NCKAP5: variants seen among roughly 807,000 people sequenced by gnomAD.
The protein encoded by NCKAP5 is NCK associated protein 5, also known as nck-associated protein 5.
Under a neutral mutation model 167.0 loss-of-function variants are expected in NCKAP5, and 92 were observed. That is an observed-to-expected ratio of 0.55 (90% CI 0.47 to 0.66). The LOEUF is 0.66. Ranked by LOEUF, NCKAP5 falls within the 30% of genes least tolerant of loss-of-function variation. The probability of loss-of-function intolerance (pLI) is 0.00; values close to 1 mark genes in which losing one functional copy is unlikely to be tolerated. For missense variants in NCKAP5, 2,378 were observed against 2,315.0 expected (o/e 1.03, Z -0.56); for synonymous variants, 891 against 877.4 (o/e 1.02, Z -0.27).
intron 6 of NCKAP5, among the ~76,000 whole-genome samples, chr2:133,000,459 T>C (rs1451170933): frequency 6.6e-6 from 1 of 152,174 alleles, no homozygotes; most frequent in Non-Finnish European, 1.5e-5. Flanking sequence ...ACCAGCATAC[T>C]TCCCATATTG....
intron 4 of NCKAP5, among the ~76,000 whole-genome samples, chr2:133,226,262 A>T (rs2086885999): frequency 6.6e-6 from 1 of 152,124 alleles, no homozygotes; most frequent in South Asian, 2.1e-4. Flanking sequence ...TTTTTAGGCT[A>T]AATTGGAAAT....
At chr2:132,699,550 A>C (rs575610492) in intron 19 of NCKAP5, among the ~76,000 whole-genome samples, 1 of 151,544 alleles carries the variant, frequency 6.6e-6, no homozygotes, top group South Asian at 2.1e-4. Flanking sequence ...TCATTGTTCA[A>C]TTCCCACCTA....
chr2:133,115,483 T>A (rs958115189), intron 6 of NCKAP5, among the ~76,000 whole-genome samples: 1 of 152,222 alleles, frequency 6.6e-6, no homozygotes, highest in Admixed American at 6.5e-5. Context: ...ATTTACTGGT[T>A]TTGCTTTCAA....
chr2:133,382,493 G>A (rs1034215940), intron 3 of NCKAP5, among the ~76,000 whole-genome samples: 3 of 152,058 alleles, frequency 2.0e-5, no homozygotes, highest in Non-Finnish European at 1.5e-5. Context: ...TACGTCTCCT[G>A]CCTCACCCCT....
chr2:133,659,379 T>C, the NCKAP5 span, among the ~76,000 whole-genome samples: 1 of 152,098 alleles, frequency 6.6e-6, no homozygotes, highest in Non-Finnish European at 1.5e-5. Flanking sequence ...AAGCTAAAAG[T>C]ATAAAACTTC....
intron 16 of NCKAP5, among the ~76,000 whole-genome samples, chr2:132,761,060 T>C (rs916032025): frequency 6.6e-6 from 1 of 152,082 alleles, no homozygotes; most frequent in East Asian, 1.9e-4. Context: ...CCCTCTTTTT[T>C]CCCCAGCTAT....
intron 3 of NCKAP5, among the ~76,000 whole-genome samples, chr2:133,358,916 A>C (rs1474100497): frequency 6.6e-6 from 1 of 152,192 alleles, no homozygotes; most frequent in East Asian, 1.9e-4. Flanking sequence ...AAAGCATCTC[A>C]GTTATGTTTA....
intron 6 of NCKAP5, among the ~76,000 whole-genome samples, chr2:133,021,088 C>T (rs902880044): frequency 2.6e-5 from 4 of 152,150 alleles, no homozygotes; most frequent in African/African-American, 4.8e-5. Context: ...TGTAGACTGG[C>T]CTTTTTTTAT....
chr2:133,665,929 G>A, the NCKAP5 span, among the ~76,000 whole-genome samples: 1 of 150,464 alleles, frequency 6.6e-6, no homozygotes, highest in Non-Finnish European at 1.5e-5. Context: ...TTTGGTGAAT[G>A]CTAAAGCTAT....
chr2:133,402,907 C>G (rs1000982279), intron 3 of NCKAP5, among the ~76,000 whole-genome samples: 2 of 152,168 alleles, frequency 1.3e-5, no homozygotes, highest in Non-Finnish European at 2.9e-5. Flanking sequence ...AGTGACAATG[C>G]ATCCTGACTT....
intron 3 of NCKAP5, among the ~76,000 whole-genome samples, chr2:133,411,518 T>C (rs545202754): frequency 1.3e-5 from 2 of 152,312 alleles, no homozygotes; most frequent in African/African-American, 4.8e-5. Context: ...CCATTCATTT[T>C]CCACTGGGGC....
chr2:132,744,175 A>C (rs1679444528), intron 16 of NCKAP5, among the ~76,000 whole-genome samples: 8 of 151,760 alleles, frequency 5.3e-5, no homozygotes, highest in Admixed American at 5.3e-4. Flanking sequence ...ATAATTTAAA[A>C]CTTTGACCAA....
intron 4 of NCKAP5, among the ~76,000 whole-genome samples, chr2:133,264,397 T>C (rs558239764): frequency 6.6e-6 from 1 of 152,348 alleles, no homozygotes; most frequent in South Asian, 2.1e-4. Context: ...TCAAATGTAG[T>C]GTGCTGTTAT....
intron 6 of NCKAP5, among the ~76,000 whole-genome samples, chr2:133,090,705 A>G (rs1377007378): frequency 6.6e-6 from 1 of 152,152 alleles, no homozygotes; most frequent in Non-Finnish European, 1.5e-5. Context: ...TGGCCAGGGT[A>G]GAAGAAAGGT....
At chr2:133,186,917 C>A (rs2084969960) in intron 5 of NCKAP5, among the ~76,000 whole-genome samples, 1 of 151,626 alleles carries the variant, frequency 6.6e-6, no homozygotes, top group Non-Finnish European at 1.5e-5. Flanking sequence ...TGGTTTCACT[C>A]TTTCTTTTTT....
At chr2:133,219,937 G>A (rs186871108) in intron 4 of NCKAP5, among the ~76,000 whole-genome samples, 146 of 152,084 alleles carry the variant, frequency 9.6e-4, no homozygotes, top group African/African-American at 3.3e-3. Flanking sequence ...TTGTCCTTGC[G>A]TTTAGTAGTT....
At chr2:132,826,214 A>G (rs971950122) in intron 11 of NCKAP5, among the ~76,000 whole-genome samples, 7 of 152,256 alleles carry the variant, frequency 4.6e-5, no homozygotes, top group African/African-American at 1.7e-4. Flanking sequence ...ATATTTAGGT[A>G]CATTAATAAT....
intron 3 of NCKAP5, among the ~76,000 whole-genome samples, chr2:133,517,147 C>T (rs529953510): frequency 6.6e-6 from 1 of 152,264 alleles, no homozygotes; most frequent in South Asian, 2.1e-4. Context: ...TATACGTAGG[C>T]TTAGCATTTG....
At chr2:132,816,187 T>C (rs1005351784) in intron 11 of NCKAP5, among the ~76,000 whole-genome samples, 21 of 152,162 alleles carry the variant, frequency 1.4e-4, no homozygotes, top group African/African-American at 4.8e-4. Flanking sequence ...AATTAAATGC[T>C]TGAAGACTGC....
Sources: allele counts gnomAD v4.1 joint callset (sites outside exome capture counted in the v4.1 genomes callset), GRCh38; gene constraint gnomAD v4.1.1; transcripts MANE v1.5; gene names NCBI Gene and HGNC (gene_info 2026-07-23, HGNC 2026-07-21).